Variants in CFAP43 observed in about 807,000 individuals in gnomAD.
CFAP43 encodes cilia- and flagella-associated protein 43.
A neutral mutation model predicts 218.9 loss-of-function variants in CFAP43; 155 were observed. That is an observed-to-expected ratio of 0.71 (90% confidence interval 0.62 to 0.81). CFAP43 has a LOEUF of 0.81. Ranked by LOEUF, CFAP43 falls within the 30% of genes least tolerant of loss-of-function variation. CFAP43 has a pLI of 0.00. For synonymous variants in CFAP43, 645 were observed against 681.3 expected, an observed-to-expected ratio of 0.95 and a Z score of 0.83; for missense variants, 1,778 against 1,954.3, an observed-to-expected ratio of 0.91 and a Z score of 1.70.
At chr10:104,232,135 G>A in intron 1 of CFAP43, 47 bp downstream of exon 1, 5 of 1,578,920 alleles carry the variant, frequency 3.2e-6, no homozygotes, top group Non-Finnish European at 4.3e-6. Context: ...CTTGGGGCAG[G>A]AGGTTCCGCG....
intron 16 of CFAP43, 91 bp from the exon 17 acceptor site, chr10:104,182,604 T>C: frequency 7.9e-7 from 1 of 1,269,930 alleles, no homozygotes; most frequent in Non-Finnish European, 1.0e-6. Flanking sequence ...AACTAACCAT[T>C]TCAGTTTATA....
intron 20 of CFAP43, among the ~76,000 whole-genome samples, chr10:104,172,209 C>T: frequency 6.6e-6 from 1 of 152,322 alleles, no homozygotes; most frequent in South Asian, 2.1e-4. Context: ...TCTGGCTGGC[C>T]TAGATGTTCT....
At chr10:104,184,866 C>T (rs929231829) in intron 16 of CFAP43, 150 bp downstream of exon 16, 53 of 1,279,016 alleles carry the variant, frequency 4.1e-5, no homozygotes, top group East Asian at 2.7e-4. Context: ...ATGCAGTGTA[C>T]GCTTCTCTTG....
intron 27 of CFAP43, among the ~76,000 whole-genome samples, chr10:104,159,011 A>G (rs1289796868): frequency 6.6e-6 from 1 of 152,194 alleles, no homozygotes; most frequent in Non-Finnish European, 1.5e-5. Flanking sequence ...TCTAAAATAA[A>G]AATTGGTGAA....
In CFAP43 at chr10:104,205,981, G is replaced by A. The variant is rs572361665; in HGVS notation, c.945C>T (p.Gly315=). The A allele has an allele frequency of 1.6e-5, 26 of 1,608,176 alleles. No individual in the cohort carries two copies. Among genetic ancestry groups the A allele is most frequent in the African/African-American group, 1.1e-4 (8 of 74,652 alleles). ...ACATTACAATTCCAGAAGCCAGCAC[G>A]CCCTCCTTCTGATATACCAAGGTTA... ...SPVTLVYQKE[G]VLASGIDGFV... Residue 315 remains glycine, a synonymous_variant, in exon 7 of 38, where the codon GGC becomes GGT. Transcript: ENST00000357060.
In CFAP43 at chr10:104,143,497, C is replaced by A. The variant is rs2087804690; in HGVS notation, c.4087G>T (p.Glu1363Ter). 1 of 1,614,224 alleles carries A rather than the reference C, an allele frequency of 6.2e-7. No individual in the cohort carries two copies. The highest frequency in any genetic ancestry group is 1.1e-5 in the South Asian group (1 of 91,088). ...TTCCAGACCAAAGGGTCCAAGCCTT[C>A]TGGCATGTTACTAATATTGTCCAAC... The part of the protein sequence containing the change: ...DELDNISNMP[E>*]GLDPLVWNHF... Residue 1363 changes from glutamate to a stop codon, truncating the protein, a stop_gained, in exon 32 of 38, where the codon GAA becomes TAA. Transcript: ENST00000357060. LOFTEE classifies it high-confidence loss of function.
chr10:104,196,238 G>A (rs1213635692), intron 10 of CFAP43, among the ~76,000 whole-genome samples: 1 of 152,142 alleles, frequency 6.6e-6, no homozygotes, highest in Non-Finnish European at 1.5e-5. Context: ...GCACACATGA[G>A]GCCAGACAAG....
chr10:104,164,267 T>C lies in CFAP43; in HGVS notation c.3073A>G (p.Asn1025Asp). The change falls in exon 24 of 38, where the codon AAT becomes GAT. Residue 1025 changes from asparagine (N) to aspartate (D), a missense_variant. Asn to Asp is a conservative substitution (Grantham distance 23, BLOSUM62 1). This residue lies in a region of CFAP43 where 1,553 missense variants were observed against 1,685.2 expected (regional missense o/e 0.92). Coordinates refer to ENST00000357060, the MANE Select transcript of CFAP43 (RefSeq NM_025145.7). The stretch of plus-strand genomic sequence containing the variant: ...TGTTTATATGCAGCGTCAAACTCAT[T>C]ATTGAAAACAGTTTTTACCTTGTAA... ...IIYKVKTVFN[N>D]EFDAAYKQKE... 1 of 1,610,272 alleles carries C rather than the reference T, an allele frequency of 6.2e-7. No individual in the cohort carries two copies. Among genetic ancestry groups the C allele is most frequent in the Non-Finnish European group, 8.5e-7 (1 of 1,177,666 alleles).
Position 104,143,420 on chromosome 10 carries a change from A to G in CFAP43, c.4158+6T>C. On this transcript the variant is annotated splice_donor_region_variant and intron_variant, in intron 32 of 37. Coordinates refer to ENST00000357060, the MANE Select transcript of CFAP43 (RefSeq NM_025145.7). ...AAAAATTAAATTAAGTTAAAATAGT[A>G]TATACTTTCTGTTCATTTTCCACTT... 6.2e-7 allele frequency: 1 copy of G among 1,611,498 alleles called. No homozygotes were observed. Among genetic ancestry groups the G allele is most frequent in the Non-Finnish European group, 8.5e-7 (1 of 1,178,078 alleles).
intron 6 of CFAP43, among the ~76,000 whole-genome samples, chr10:104,206,808 G>T (rs1306358656): frequency 6.6e-6 from 1 of 152,194 alleles, no homozygotes; most frequent in Non-Finnish European, 1.5e-5. Context: ...CCCAACCATG[G>T]CCACAGCTGA....
At chr10:104,132,808 T>C (rs1368104480) in intron 35 of CFAP43, 8 of 983,424 alleles carry the variant, frequency 8.1e-6, no homozygotes, top group Non-Finnish European at 8.5e-6. Flanking sequence ...GAGTCCCACA[T>C]TAACAAAGTC....
intron 3 of CFAP43, chr10:104,218,686 A>G: frequency 2.1e-6 from 1 of 481,500 alleles, no homozygotes; most frequent in Non-Finnish European, 4.2e-6. Context: ...TGGGTCAGGC[A>G]ATGATCTCTT....
Position 104,225,509 on chromosome 10 carries a change from G to C in CFAP43, c.368C>G (p.Thr123Ser), listed in dbSNP as rs749506838. The C allele has an allele frequency of 3.1e-6, 5 of 1,613,026 alleles. No individual in the cohort carries two copies. The highest frequency in any genetic ancestry group is 3.4e-6 in the Non-Finnish European group (4 of 1,179,372). ...GAGAGAGGAGTAACTAGCCAGGTAG[G>C]TGCCACAGTAACTGAATGAAAGTAA... ...YTLLSFSYCG[T>S]YLASYSSLPE... Residue 123 changes from threonine to serine, a missense_variant, in exon 3 of 38, where the codon ACC becomes AGC. Transcript: ENST00000357060.
rs765646225 is a variant in CFAP43 at position 104,133,761 on chromosome 10, A to T, written c.4455T>A (p.Ala1485=). The change falls in exon 35 of 38, where the codon GCT becomes GCA. Residue 1485 remains alanine, a synonymous_variant. Transcript: ENST00000357060. Reference sequence around the variant, plus strand: ...GTACATCTTTACTTTCCATCATGCTAGCAACTTTCTTTTGTCCTTGAGTCT... The same window carrying T: ...GTACATCTTTACTTTCCATCATGCTTGCAACTTTCTTTTGTCCTTGAGTCT... ...VIRTQGQKKV[A]SMMESKDVHK... 1 of 1,610,962 alleles carries T rather than the reference A, an allele frequency of 6.2e-7. No individual in the cohort carries two copies.
At position 104,179,031 on chromosome 10, in the gene CFAP43, T is replaced by A; in HGVS notation, c.2458A>T (p.Thr820Ser). 2 of 1,610,234 alleles carry A rather than the reference T, an allele frequency of 1.2e-6. No individual in the cohort carries two copies. Among genetic ancestry groups the A allele is most frequent in the Non-Finnish European group, 1.7e-6 (2 of 1,177,218 alleles). ...IKQGIKSLSK[T>S]ILNMMEENDK... Reference sequence around the variant, plus strand: ...GAATATGAAATTACAACACTTACAGTTTTGGAAAGTGATTTGATTCCTTGT... The same window carrying A: ...GAATATGAAATTACAACACTTACAGATTTGGAAAGTGATTTGATTCCTTGT... The change falls in exon 19 of 38, where the codon ACT becomes TCT. Residue 820 changes from threonine to serine, a missense_variant and splice_region_variant. Around this residue, in one of 3 missense-constraint regions of CFAP43, gnomAD observed 1,553 missense variants for 1,685.2 expected, o/e 0.92. Coordinates refer to ENST00000357060, the MANE Select transcript of CFAP43 (RefSeq NM_025145.7).
rs560751392 is a variant in CFAP43, at chr10:104,180,380, T to C, written c.2290-448A>G. Among the ~76,000 whole-genome samples the C allele has an allele frequency of 7.9e-5, 12 of 152,064 alleles. No homozygotes were observed. In the South Asian group the frequency reaches 2.5e-3, roughly 32 times the overall value. Reference sequence around the variant, plus strand: ...AACAGCATCCAAACATGCTCTACTATCTCCTGTCTTAGGAAAACTACTCTC... The same window carrying C: ...AACAGCATCCAAACATGCTCTACTACCTCCTGTCTTAGGAAAACTACTCTC... On this transcript the variant is annotated intron_variant, in intron 17 of 37. Coordinates refer to ENST00000357060, the MANE Select transcript of CFAP43 (RefSeq NM_025145.7).
At chr10:104,192,533 AT>A (rs2090260581) in intron 11 of CFAP43, 4 of 452,712 alleles carry the variant, frequency 8.8e-6, no homozygotes, top group Non-Finnish European at 1.6e-5. Flanking sequence ...AGTCAAGAAG[AT>A]TCAGTAAAGA....
chr10:104,170,977 C>T (rs2089384211), intron 20 of CFAP43, among the ~76,000 whole-genome samples: 1 of 152,164 alleles, frequency 6.6e-6, no homozygotes, highest in African/African-American at 2.4e-5. Flanking sequence ...TTTGCTCTTG[C>T]TGCTCCCTGT....
At chr10:104,173,335 C>T (rs1189401428) in intron 19 of CFAP43, among the ~76,000 whole-genome samples, 2 of 152,142 alleles carry the variant, frequency 1.3e-5, no homozygotes, top group African/African-American at 2.4e-5. Context: ...ACTATAACAA[C>T]TGAAAGACGG....
Sources: gnomAD v4.1 joint callset for allele counts (sites outside exome capture counted in the v4.1 genomes callset) on GRCh38, gnomAD v4.1.1 for gene constraint, gnomAD v4.1.1 regional missense constraint, MANE v1.5 for transcripts, NCBI Gene and HGNC (gene_info 2026-07-23, HGNC 2026-07-21) for gene names.